The following OSBP2 variants were observed in gnomAD, a reference collection of about 807,000 sequenced individuals.
The protein encoded by OSBP2 is oxysterol-binding protein 2.
In OSBP2, 66 loss-of-function variants were observed where a neutral mutation model predicts 96.0. The observed-to-expected ratio is 0.69, with a 90% CI of 0.56 to 0.84. OSBP2 has a LOEUF of 0.84. Among genes scored for constraint, OSBP2 ranks in the 40% least tolerant of loss-of-function variants. The pLI, the probability that OSBP2 is intolerant of heterozygous loss-of-function variation, is 0.00. For missense variants in OSBP2, 1,038 were observed against 1,222.7 expected, an observed-to-expected ratio of 0.85 and a Z score of 2.25; for synonymous variants, 525 against 520.9, an observed-to-expected ratio of 1.01 and a Z score of -0.11.
chr22:30,858,237 C>T (rs1488606455), intron 2 of OSBP2, among the ~76,000 whole-genome samples: 2 of 150,384 alleles, frequency 1.3e-5, no homozygotes, highest in Admixed American at 6.6e-5. Flanking sequence ...AGCTCCGCTT[C>T]CCGGGTTCAC....
At chr22:30,767,645 T>C (rs1222605955) in intron 2 of OSBP2, among the ~76,000 whole-genome samples, 1 of 152,008 alleles carries the variant, frequency 6.6e-6, no homozygotes, top group Non-Finnish European at 1.5e-5. Flanking sequence ...GTCCTCTCCC[T>C]GTCTTAGAGA....
chr22:30,843,448 C>G (rs75656746), intron 2 of OSBP2, among the ~76,000 whole-genome samples: 9,951 of 119,082 alleles, frequency 0.084, 364 homozygotes, highest in Non-Finnish European at 0.092. Context: ...AATCTTTCCC[C>G]CCTCCCCCTT....
At chr22:30,764,545 C>G (rs1271941554) in intron 2 of OSBP2, among the ~76,000 whole-genome samples, 2 of 152,044 alleles carry the variant, frequency 1.3e-5, no homozygotes. Context: ...TGGGCTTGGT[C>G]CACTTAACAG....
At chr22:30,902,568 C>A in intron 12 of OSBP2, 1 of 1,007,504 alleles carries the variant, frequency 9.9e-7, no homozygotes. Flanking sequence ...GGAAACAGGC[C>A]CCCAACTGGG....
chr22:30,822,332 G>C lies in OSBP2; in HGVS notation c.854-48097G>C, dbSNP rs550739848. Among the ~76,000 whole-genome samples the C allele has an allele frequency of 2.0e-5, 3 of 152,230 alleles. No homozygotes were observed. In the East Asian group the frequency reaches 5.8e-4, roughly 29 times the overall value. ...GTGGGGAGCCTGCATGGGCGTCCGC[G>C]GGGTCGCACGGACCAGCAGGCGACG... On this transcript the variant is annotated intron_variant, in intron 2 of 13. Transcript: ENST00000332585.
intron 2 of OSBP2, among the ~76,000 whole-genome samples, chr22:30,748,382 A>G (rs1344490384): frequency 6.6e-6 from 1 of 152,022 alleles, no homozygotes; most frequent in African/African-American, 2.4e-5. Flanking sequence ...AAACTAAAAA[A>G]CTTCCAAGAC....
At chr22:30,817,612 G>C (rs538763666) in intron 2 of OSBP2, among the ~76,000 whole-genome samples, 1 of 152,346 alleles carries the variant, frequency 6.6e-6, no homozygotes, top group South Asian at 2.1e-4. Context: ...AGACAGGTGG[G>C]TGATGTGGTT....
chr22:30,823,699 G>A (rs1386010153), intron 2 of OSBP2, among the ~76,000 whole-genome samples: 1 of 152,202 alleles, frequency 6.6e-6, no homozygotes, highest in Non-Finnish European at 1.5e-5. Context: ...AACACCATAT[G>A]AGGTCTTAGG....
chr22:30,802,129 A>C (rs1026608610), intron 2 of OSBP2, among the ~76,000 whole-genome samples: 2 of 152,204 alleles, frequency 1.3e-5, no homozygotes, highest in African/African-American at 4.8e-5. Flanking sequence ...CCCCACCCTC[A>C]TGTTTCAGAG....
chr22:30,745,024 C>A (rs1225628937), intron 2 of OSBP2, among the ~76,000 whole-genome samples: 1 of 152,036 alleles, frequency 6.6e-6, no homozygotes, highest in Non-Finnish European at 1.5e-5. Flanking sequence ...AGAGGTAACA[C>A]TAGAAAATGC....
chr22:30,824,820 A>AG (rs2038363729), intron 2 of OSBP2, among the ~76,000 whole-genome samples: 1 of 152,154 alleles, frequency 6.6e-6, no homozygotes, highest in Admixed American at 6.5e-5. Flanking sequence ...CCGAGGGATG[A>AG]GGTCCAGGCG....
intron 2 of OSBP2, among the ~76,000 whole-genome samples, chr22:30,754,915 C>G (rs928766343): frequency 6.6e-6 from 1 of 152,152 alleles, no homozygotes; most frequent in African/African-American, 2.4e-5. Flanking sequence ...TCTTCCTGTC[C>G]CCATCACTGA....
chr22:30,788,837 C>T (rs945830535), intron 2 of OSBP2, among the ~76,000 whole-genome samples: 41 of 152,140 alleles, frequency 2.7e-4, no homozygotes, highest in African/African-American at 9.4e-4. Flanking sequence ...CTCAGCCTTC[C>T]GAGTAGCTGG....
intron 1 of OSBP2, among the ~76,000 whole-genome samples, chr22:30,702,814 A>G (rs917062930): frequency 4.6e-5 from 7 of 152,200 alleles, no homozygotes; most frequent in African/African-American, 1.7e-4. Flanking sequence ...AGGGGACACC[A>G]TGGCCAAGTT....
intron 2 of OSBP2, among the ~76,000 whole-genome samples, chr22:30,859,469 C>T (rs5997790): frequency 0.32 from 48,362 of 152,188 alleles, 8,525 homozygotes; most frequent in African/African-American, 0.48. Context: ...GTGACCAGGT[C>T]TGCTGGTGCC....
At chr22:30,875,072 C>A (rs545869812) in intron 3 of OSBP2, among the ~76,000 whole-genome samples, 1 of 152,320 alleles carries the variant, frequency 6.6e-6, no homozygotes, top group East Asian at 1.9e-4. Context: ...ATAAAGCACT[C>A]CAAGTGGCCC....
chr22:30,752,321 C>G (rs1236385517), intron 2 of OSBP2, among the ~76,000 whole-genome samples: 1 of 73,518 alleles, frequency 1.4e-5, no homozygotes, highest in Non-Finnish European at 2.3e-5. Context: ...TTTTTTGAGA[C>G]AGAGTCTCAC....
At chr22:30,759,489 A>C (rs2090181354) in intron 2 of OSBP2, among the ~76,000 whole-genome samples, 1 of 152,224 alleles carries the variant, frequency 6.6e-6, no homozygotes, top group Non-Finnish European at 1.5e-5. Flanking sequence ...ATCAGGAATG[A>C]AATAAACAAT....
At chr22:30,717,934 C>T (rs898760380) in intron 1 of OSBP2, among the ~76,000 whole-genome samples, 1 of 152,208 alleles carries the variant, frequency 6.6e-6, no homozygotes, top group Non-Finnish European at 1.5e-5. Context: ...AACTTCAAAA[C>T]ACATTGCCCA....
Sources: allele counts gnomAD v4.1 joint callset (sites outside exome capture counted in the v4.1 genomes callset), GRCh38; gene constraint gnomAD v4.1.1; transcripts MANE v1.5; gene names NCBI Gene and HGNC (gene_info 2026-07-23, HGNC 2026-07-21).